The following TRDMT1 variants were observed in gnomAD, a reference collection of about 807,000 sequenced individuals.
TRDMT1 encodes tRNA (cytosine(38)-C(5))-methyltransferase.
In TRDMT1, 49 loss-of-function variants were observed where a neutral mutation model predicts 51.2. The observed-to-expected ratio is 0.96, with a 90% CI of 0.76 to 1.21. The LOEUF is 1.21. TRDMT1 is among the 50% of genes most tolerant of loss of function. TRDMT1 has a pLI of 0.00. For missense variants in TRDMT1, 534 were observed against 462.3 expected (o/e 1.16, Z -1.42); for synonymous variants, 187 against 164.6 (o/e 1.14, Z -1.04).
chr10:17,151,284 T>C (rs188638323), intron 10 of TRDMT1: 1,340 of 983,020 alleles, frequency 1.4e-3, no homozygotes, highest in Non-Finnish European at 1.4e-3. Flanking sequence ...AAAATAACAA[T>C]AATAATCCTC....
intron 1 of TRDMT1, among the ~76,000 whole-genome samples, chr10:17,185,799 T>C (rs1344052358): frequency 1.3e-5 from 2 of 152,088 alleles, no homozygotes; most frequent in Non-Finnish European, 2.9e-5. Flanking sequence ...AGCAAACTAT[T>C]GCAAGGACAG....
intron 4 of TRDMT1, 119 bp downstream of exon 4, chr10:17,162,047 C>A (rs898003939): frequency 1.2e-6 from 1 of 827,402 alleles, no homozygotes. Flanking sequence ...AATGACAGGC[C>A]CAATATCTCA....
intron 10 of TRDMT1, chr10:17,152,055 T>G (rs1175189647): frequency 7.7e-7 from 1 of 1,301,614 alleles, no homozygotes; most frequent in Non-Finnish European, 1.0e-6. Flanking sequence ...TTTAATTGAA[T>G]AGTTAATCTC....
At chr10:17,193,904 C>CAAACTATACTATAAGT (rs1195118764) in intron 1 of TRDMT1, among the ~76,000 whole-genome samples, 2 of 152,150 alleles carry the variant, frequency 1.3e-5, no homozygotes, top group Non-Finnish European at 2.9e-5. Flanking sequence ...TAATGGACTT[C>CAAACTATACTATAAGT]AAACTATACT....
chr10:17,152,177 C>G, intron 10 of TRDMT1: 1 of 1,028,694 alleles, frequency 9.7e-7, no homozygotes, highest in Non-Finnish European at 1.3e-6. Flanking sequence ...CTCAGCTCTT[C>G]TATTTGTTTT....
rs1306477815 is a variant in TRDMT1 at position 17,141,927 on chromosome 10, G to A, written c.*7113C>T. ...ATCAAATTATCTGTTACCACAGAAT[G>A]TTTTCTATTTTGGTTATTTTTCAGT... is the stretch of plus-strand genomic sequence containing the variant. On this transcript the variant is annotated 3_prime_UTR_variant, in exon 11 of 11. Transcript: ENST00000377799. 6.6e-6 allele frequency among the ~76,000 whole-genome samples: 1 copy of A among 152,112 alleles called. No homozygotes were observed. Among genetic ancestry groups the A allele is most frequent in the African/African-American group, 2.4e-5 (1 of 41,424 alleles).
At position 17,153,599 on chromosome 10, in the gene TRDMT1, T is replaced by A. The variant is rs1839082432; in HGVS notation, c.983A>T (p.Gln328Leu). ...NIYKSLTNLSQEEQITKLLIL... is the reference protein window; with the variant it reads ...NIYKSLTNLSLEEQITKLLIL... ...TAACAGCTTTGTTATCTGTTCTTCT[T>A]GTGACAAATTGGTAAGGGATTTGTA... The change falls in exon 10 of 11, where the codon CAA becomes CTA. Residue 328 changes from glutamine to leucine, a missense_variant. Gln to Leu is a moderately radical substitution (Grantham distance 113, BLOSUM62 -2). Transcript: ENST00000377799. 6.2e-7 allele frequency: 1 copy of A among 1,604,004 alleles called. No homozygotes were observed. The highest frequency in any genetic ancestry group is 1.7e-5 in the Admixed American group (1 of 57,674).
At position 17,157,601 on chromosome 10, in the gene TRDMT1, G is replaced by C; in HGVS notation, c.727C>G (p.Gln243Glu). ...ETAEEIHRKN[Q>E]QDSDLSVKML... ...TTCACAGAGAGATCACTATCTTGTT[G>C]ATTTTTCCTGTGAATTTCTTCTGCA... The change falls in exon 8 of 11, where the codon CAA (glutamine) becomes GAA (glutamate). Residue 243 changes from glutamine to glutamate, a missense_variant. Gln to Glu is a conservative substitution (Grantham distance 29). Transcript: ENST00000377799. The C allele has an allele frequency of 6.2e-7, 1 of 1,613,872 alleles. No homozygotes were observed. The highest frequency in any genetic ancestry group is 8.5e-7 in the Non-Finnish European group (1 of 1,179,866).
At position 17,159,197 on chromosome 10, in the gene TRDMT1, A is replaced by C. The variant is rs1014939483; in HGVS notation, c.492T>G (p.Phe164Leu). 1 of 1,603,618 alleles carries C rather than the reference A, an allele frequency of 6.2e-7. No individual in the cohort carries two copies. The highest frequency in any genetic ancestry group is 1.7e-5 in the Admixed American group (1 of 58,806). Residue 164 changes from phenylalanine (F) to leucine (L), a missense_variant, in exon 7 of 11, where the codon TTT (phenylalanine) becomes TTG (leucine). By Grantham distance (22) the Phe-to-Leu change is conservative (BLOSUM62 0). Coordinates refer to ENST00000377799, the MANE Select transcript of TRDMT1 (RefSeq NM_004412.7). ...GCTCTGACTGAAGCTTTGCAATAAGAAAATATCGTAGCCTTGAATTTGGAA... is the reference window on the plus strand; with the variant it reads ...GCTCTGACTGAAGCTTTGCAATAAGCAAATATCGTAGCCTTGAATTTGGAA... Reference protein sequence around the residue: ...LGIPNSRLRYFLIAKLQSEPL... With the variant: ...LGIPNSRLRYLLIAKLQSEPL...
intron 1 of TRDMT1, among the ~76,000 whole-genome samples, chr10:17,175,820 G>C (rs963141849): frequency 1.3e-5 from 2 of 152,110 alleles, no homozygotes; most frequent in Non-Finnish European, 2.9e-5. Flanking sequence ...GCCTAGAAGA[G>C]ATGAGGCCAG....
intron 1 of TRDMT1, among the ~76,000 whole-genome samples, chr10:17,186,758 T>C (rs1200363463): frequency 6.6e-6 from 1 of 152,194 alleles, no homozygotes; most frequent in Non-Finnish European, 1.5e-5. Flanking sequence ...TTTATAATAG[T>C]GCAAATTTAT....
At chr10:17,165,319 G>A (rs1564289852) in intron 3 of TRDMT1, among the ~76,000 whole-genome samples, 2 of 152,216 alleles carry the variant, frequency 1.3e-5, no homozygotes, top group Non-Finnish European at 2.9e-5. Flanking sequence ...CTAGCCATAT[G>A]TAGAAAGCTG....
chr10:17,167,673 T>A (rs1841399879), intron 3 of TRDMT1, among the ~76,000 whole-genome samples: 1 of 152,164 alleles, frequency 6.6e-6, no homozygotes, highest in East Asian at 1.9e-4. Context: ...GTTTATAACG[T>A]TGCTATGAAA....
At position 17,157,529 on chromosome 10, in the gene TRDMT1, G is replaced by C. The variant is rs375924016; in HGVS notation, c.799C>G (p.Leu267Val). 35 of 1,613,936 alleles carry C rather than the reference G, an allele frequency of 2.2e-5. No homozygotes were observed. Among genetic ancestry groups the C allele is most frequent in the Non-Finnish European group, 2.6e-5 (31 of 1,179,950 alleles). Residue 267 changes from leucine (L) to valine (V), a missense_variant, in exon 8 of 11, where the codon CTT becomes GTT. Transcript: ENST00000377799. ...CGCAGCAATGACTTTGGTGGTAAAA[G>C]ATACTGGTTCACGTCAGTGTCATCT... The part of the protein sequence containing the change: ...LEDDTDVNQY[L>V]LPPKSLLRYA...
intron 3 of TRDMT1, among the ~76,000 whole-genome samples, chr10:17,163,603 A>AT (rs1840736121): frequency 6.6e-6 from 1 of 152,170 alleles, no homozygotes; most frequent in Non-Finnish European, 1.5e-5. Context: ...TGAAAAGATC[A>AT]ACAAAATTGA....
intron 2 of TRDMT1, among the ~76,000 whole-genome samples, chr10:17,170,479 T>C (rs1841812825): frequency 6.6e-6 from 1 of 152,242 alleles, no homozygotes; most frequent in African/African-American, 2.4e-5. Context: ...GCTAACACTG[T>C]TCATCCTGTA....
intron 3 of TRDMT1, among the ~76,000 whole-genome samples, chr10:17,164,545 AGG>A: frequency 6.6e-6 from 1 of 152,316 alleles, no homozygotes; most frequent in Middle Eastern, 3.4e-3. Context: ...AAAGAAATAA[AGG>A]GCATTCAGTT....
Position 17,145,076 on chromosome 10 carries a change from C to A in TRDMT1, c.*3964G>T, listed in dbSNP as rs148700807. ...ACCAGCCTGGCCAACATGGTGAAACCCGATCTCTACTAATACAAAAATTAG... is the reference window on the plus strand; with the variant it reads ...ACCAGCCTGGCCAACATGGTGAAACACGATCTCTACTAATACAAAAATTAG... On this transcript the variant is annotated 3_prime_UTR_variant, in exon 11 of 11. Transcript: ENST00000377799. The A allele has an allele frequency of 1.5e-6, 1 of 686,388 alleles. No individual in the cohort carries two copies. The allele number at this position is 686,388 out of a possible 1,614,324, so 42.5% of individuals were successfully genotyped here. A position where few individuals can be genotyped will look rare whatever the true frequency, so the allele number is the denominator to read the frequency against.
intron 7 of TRDMT1, among the ~76,000 whole-genome samples, chr10:17,158,471 C>T (rs2131412557): frequency 6.6e-6 from 1 of 152,120 alleles, no homozygotes; most frequent in Admixed American, 6.5e-5. Flanking sequence ...ATATTAGTAT[C>T]ATATTATAAA....
Sources: gnomAD v4.1 joint callset for allele counts (sites outside exome capture counted in the v4.1 genomes callset) on GRCh38, gnomAD v4.1.1 for gene constraint, MANE v1.5 for transcripts, NCBI Gene and HGNC (gene_info 2026-07-23, HGNC 2026-07-21) for gene names.